Variants in WWOX observed in about 807,000 individuals in gnomAD.
WWOX encodes WW domain-containing oxidoreductase.
A neutral mutation model predicts 46.2 loss-of-function variants in WWOX; 69 were observed. The ratio of observed to expected loss-of-function variants is 1.49; its 90% CI spans 1.23 to 1.82. WWOX has a LOEUF of 1.82. Ranked by LOEUF, WWOX falls within the 40% of genes most tolerant of loss-of-function variation. The pLI is 0.00. For synonymous variants in WWOX, 359 were observed against 202.6 expected, an observed-to-expected ratio of 1.77 and a Z score of -6.56; for missense variants, 919 against 542.6, an observed-to-expected ratio of 1.69 and a Z score of -6.89.
intron 8 of WWOX, among the ~76,000 whole-genome samples, chr16:79,141,051 A>G (rs1015915727): frequency 2.6e-5 from 4 of 152,194 alleles, no homozygotes; most frequent in African/African-American, 7.2e-5. Flanking sequence ...TCACTAAGCT[A>G]AAGGGAAAAG....
intron 8 of WWOX, among the ~76,000 whole-genome samples, chr16:78,819,449 A>G (rs566766266): frequency 6.6e-6 from 1 of 152,348 alleles, no homozygotes; most frequent in East Asian, 1.9e-4. Context: ...ACAATGACCC[A>G]ACAACCTGGA....
chr16:78,601,680 A>G (rs1481397541), intron 8 of WWOX, among the ~76,000 whole-genome samples: 1 of 152,218 alleles, frequency 6.6e-6, no homozygotes, highest in African/African-American at 2.4e-5. Context: ...TAATTGATGG[A>G]AATTGTAGAG....
chr16:79,004,549 C>G (rs2047155750), intron 8 of WWOX: 1 of 152,262 alleles, frequency 6.6e-6, no homozygotes, highest in African/African-American at 2.4e-5. Flanking sequence ...TGACTGTGAG[C>G]TCAGGTCAGC....
rs74032742 is a variant in WWOX at position 78,691,183 on chromosome 16, A to G, written c.1056+258431A>G. The G allele has an allele frequency of 5.2e-3, 3,639 of 699,864 alleles. 92 individuals are homozygous for G. The African/African-American group carries it at 0.053, about 10-fold the overall frequency. 43.4% of individuals were successfully genotyped at this position (699,864 alleles called of 1,614,324 possible). ...TCCCCCAGTGTTTGTGCGATAAGAGAATAGATGTAGGTCCAGCGCCTAGAA... is the reference window on the plus strand; with the variant it reads ...TCCCCCAGTGTTTGTGCGATAAGAGGATAGATGTAGGTCCAGCGCCTAGAA... On this transcript the variant is annotated intron_variant, in intron 8 of 8. Transcript: ENST00000566780.
At chr16:79,139,476 G>T (rs1041994870) in intron 8 of WWOX, among the ~76,000 whole-genome samples, 1 of 152,090 alleles carries the variant, frequency 6.6e-6, no homozygotes, top group Non-Finnish European at 1.5e-5. Flanking sequence ...GGCAAGCCAG[G>T]GTGAAATTTT....
intron 8 of WWOX, among the ~76,000 whole-genome samples, chr16:78,761,311 G>C (rs1325698631): frequency 6.6e-6 from 1 of 152,190 alleles, no homozygotes; most frequent in African/African-American, 2.4e-5. Flanking sequence ...TTATCAATCT[G>C]TTTGGATTTT....
intron 8 of WWOX, among the ~76,000 whole-genome samples, chr16:78,541,756 G>C (rs1445523035): frequency 6.6e-6 from 1 of 151,890 alleles, no homozygotes; most frequent in African/African-American, 2.4e-5. Context: ...CCACCTCCCA[G>C]GGTTATATGT....
chr16:79,173,961 T>C (rs1283008743), intron 8 of WWOX, among the ~76,000 whole-genome samples: 2 of 152,174 alleles, frequency 1.3e-5, no homozygotes, highest in Non-Finnish European at 2.9e-5. Context: ...AATTTGAAAA[T>C]GTCTAACTTA....
chr16:78,868,553 T>C (rs2044056596), intron 8 of WWOX, among the ~76,000 whole-genome samples: 1 of 152,210 alleles, frequency 6.6e-6, no homozygotes, highest in African/African-American at 2.4e-5. Flanking sequence ...TCATAAAAAA[T>C]GAATTCCAGG....
chr16:78,453,775 T>C (rs1032362841), intron 8 of WWOX, among the ~76,000 whole-genome samples: 3 of 152,224 alleles, frequency 2.0e-5, no homozygotes. Flanking sequence ...ATCCAGTTTT[T>C]AAACAGTGCG....
intron 6 of WWOX, among the ~76,000 whole-genome samples, chr16:78,397,308 TTATC>T (rs2082309658): frequency 6.6e-6 from 1 of 152,190 alleles, no homozygotes; most frequent in Non-Finnish European, 1.5e-5. Flanking sequence ...TTGCTAATAT[TTATC>T]AGCTATTTAT....
chr16:78,599,443 G>T (rs889658690), intron 8 of WWOX, among the ~76,000 whole-genome samples: 1 of 152,310 alleles, frequency 6.6e-6, no homozygotes, highest in East Asian at 1.9e-4. Flanking sequence ...CATGGCTGGG[G>T]AATTGGCCTG....
chr16:78,665,984 C>G (rs1408197260), intron 8 of WWOX, among the ~76,000 whole-genome samples: 1 of 151,216 alleles, frequency 6.6e-6, no homozygotes, highest in African/African-American at 2.4e-5. Context: ...TGCGCCTGGC[C>G]AAGATACTGA....
At chr16:78,449,816 G>A (rs187231235) in intron 8 of WWOX, among the ~76,000 whole-genome samples, 3 of 151,980 alleles carry the variant, frequency 2.0e-5, no homozygotes, top group Non-Finnish European at 4.4e-5. Flanking sequence ...CTTGTTAATC[G>A]ATGGCCCAAA....
chr16:78,519,831 C>G (rs971409580), intron 8 of WWOX, among the ~76,000 whole-genome samples: 1 of 152,148 alleles, frequency 6.6e-6, no homozygotes, highest in African/African-American at 2.4e-5. Context: ...CTTGAACTTC[C>G]AGCCCCCAGA....
chr16:79,135,643 T>C (rs181759800), intron 8 of WWOX, among the ~76,000 whole-genome samples: 234 of 152,320 alleles, frequency 1.5e-3, no homozygotes, highest in African/African-American at 5.6e-3. Flanking sequence ...TTAACAGATA[T>C]TTCAGTATTG....
intron 8 of WWOX, among the ~76,000 whole-genome samples, chr16:78,657,390 T>C (rs903717460): frequency 1.3e-5 from 2 of 152,140 alleles, no homozygotes; most frequent in Non-Finnish European, 2.9e-5. Context: ...AAGGAGCCTG[T>C]GCTTCCCGAC....
intron 8 of WWOX, among the ~76,000 whole-genome samples, chr16:78,572,890 C>T (rs1438476920): frequency 3.3e-5 from 5 of 152,034 alleles, no homozygotes; most frequent in African/African-American, 9.7e-5. Context: ...CCTAGGTAGT[C>T]ATTCTATATG....
At chr16:79,158,834 T>A (rs1422027160) in intron 8 of WWOX, among the ~76,000 whole-genome samples, 1 of 152,244 alleles carries the variant, frequency 6.6e-6, no homozygotes, top group Non-Finnish European at 1.5e-5. Context: ...TTGCTTGTCA[T>A]CTGTATTTTC....
Sources: gnomAD v4.1 joint callset for allele counts (sites outside exome capture counted in the v4.1 genomes callset) on GRCh38, gnomAD v4.1.1 for gene constraint, MANE v1.5 for transcripts, NCBI Gene and HGNC (gene_info 2026-07-23, HGNC 2026-07-21) for gene names.